LRP1B: variants seen among roughly 807,000 people sequenced by gnomAD.
The protein encoded by LRP1B is low-density lipoprotein receptor-related protein 1B.
Under a neutral mutation model 556.6 loss-of-function variants are expected in LRP1B, and 217 were observed. The observed-to-expected ratio is 0.39, with a 90% CI of 0.35 to 0.44. The LOEUF (loss-of-function observed/expected upper bound fraction) is 0.44, where lower values mean the gene tolerates loss of function less well. Ranked by LOEUF, LRP1B falls within the 20% of genes least tolerant of loss-of-function variation. LRP1B has a pLI of 1.00. For synonymous variants in LRP1B, 2,047 were observed against 1,865.8 expected (o/e 1.10, Z -2.50); for missense variants, 5,053 against 5,620.8 (o/e 0.90, Z 3.23).
At chr2:141,728,946 G>T (rs1188425364) in intron 2 of LRP1B, among the ~76,000 whole-genome samples, 1 of 152,092 alleles carries the variant, frequency 6.6e-6, no homozygotes, top group Non-Finnish European at 1.5e-5. Flanking sequence ...GTGGAGAGGG[G>T]GGTGCCAGGA....
intron 3 of LRP1B, among the ~76,000 whole-genome samples, chr2:141,272,670 T>C (rs533314109): frequency 6.6e-6 from 1 of 152,148 alleles, no homozygotes; most frequent in Non-Finnish European, 1.5e-5. Flanking sequence ...GGAGTGGCTA[T>C]ATAATTATTT....
At chr2:141,013,974 T>A (rs1697828837) in intron 13 of LRP1B, among the ~76,000 whole-genome samples, 1 of 152,090 alleles carries the variant, frequency 6.6e-6, no homozygotes, top group Non-Finnish European at 1.5e-5. Flanking sequence ...TATTATTTAT[T>A]ATTAAACCAT....
intron 1 of LRP1B, among the ~76,000 whole-genome samples, chr2:141,890,323 CATAT>C (rs556472129): frequency 0.014 from 1,135 of 83,778 alleles, 16 homozygotes; most frequent in African/African-American, 0.04. Context: ...GGGCACAATA[CATAT>C]ATATATATAT....
chr2:141,631,758 T>C (rs557487347), intron 2 of LRP1B, among the ~76,000 whole-genome samples: 7 of 152,160 alleles, frequency 4.6e-5, no homozygotes, highest in Non-Finnish European at 1.0e-4. Context: ...TTAAAGCAGC[T>C]TTTCTACATC....
At chr2:141,510,014 A>T (rs1684064357) in intron 2 of LRP1B, among the ~76,000 whole-genome samples, 3 of 152,296 alleles carry the variant, frequency 2.0e-5, no homozygotes, top group Admixed American at 2.0e-4. Flanking sequence ...GATAAGGAGA[A>T]AAGCCAAATT....
At chr2:141,334,046 G>A (rs1351744436) in intron 3 of LRP1B, among the ~76,000 whole-genome samples, 2 of 152,118 alleles carry the variant, frequency 1.3e-5, no homozygotes, top group Non-Finnish European at 2.9e-5. Context: ...AAAGTTTGCT[G>A]CTAAAATAAA....
intron 84 of LRP1B, among the ~76,000 whole-genome samples, chr2:140,275,465 G>A (rs1682630292): frequency 6.6e-6 from 1 of 151,966 alleles, no homozygotes; most frequent in Admixed American, 6.6e-5. Context: ...ACGGTCTCAA[G>A]TAGTCAAAGT....
At chr2:141,340,032 T>C (rs1395473384) in intron 3 of LRP1B, among the ~76,000 whole-genome samples, 1 of 152,166 alleles carries the variant, frequency 6.6e-6, no homozygotes, top group Non-Finnish European at 1.5e-5. Context: ...GAGAGAGACA[T>C]AGTTTAACGG....
rs560668928 is a variant in LRP1B at position 141,588,626 on chromosome 2, G to A, written c.206-108093C>T. 1.8e-3 allele frequency among the ~76,000 whole-genome samples: 267 copies of A among 152,152 alleles called. 2 individuals are homozygous for A. The highest frequency in any genetic ancestry group is 5.6e-3 in the African/African-American group (233 of 41,502). The stretch of plus-strand genomic sequence containing the variant: ...TGGGCTTCCGTTTCTTTAAAAATTG[G>A]CTCTCCAAATTCGTTGCAAGATAAT... On this transcript the variant is annotated intron_variant, in intron 2 of 90. Coordinates refer to ENST00000389484, the MANE Select transcript of LRP1B (RefSeq NM_018557.3).
chr2:141,114,666 G>C (rs916664669), intron 7 of LRP1B, among the ~76,000 whole-genome samples: 9 of 152,130 alleles, frequency 5.9e-5, no homozygotes, highest in Admixed American at 2.0e-4. Flanking sequence ...GGCAATATTA[G>C]AGTGTGAAAA....
At chr2:140,466,809 G>T (rs975789237) in intron 60 of LRP1B, among the ~76,000 whole-genome samples, 15 of 152,122 alleles carry the variant, frequency 9.9e-5, no homozygotes, top group Non-Finnish European at 1.8e-4. Context: ...CTTTTTCTTA[G>T]TTCGCCCTTT....
chr2:140,745,105 G>T (rs10496853), intron 35 of LRP1B, among the ~76,000 whole-genome samples: 23 of 152,202 alleles, frequency 1.5e-4, no homozygotes, highest in African/African-American at 5.5e-4. Context: ...CATGTCATAG[G>T]TTGCTCACTT....
chr2:141,576,640 G>T (rs1311678191), intron 2 of LRP1B, among the ~76,000 whole-genome samples: 1 of 151,356 alleles, frequency 6.6e-6, no homozygotes, highest in Admixed American at 6.6e-5. Flanking sequence ...TATGGTTCCA[G>T]TTAGTTGAGA....
chr2:141,550,129 T>C (rs1446058134), intron 2 of LRP1B, among the ~76,000 whole-genome samples: 2 of 152,224 alleles, frequency 1.3e-5, no homozygotes, highest in Non-Finnish European at 2.9e-5. Context: ...TTCTCATTCA[T>C]CCCTGACTCT....
At chr2:140,319,453 T>G (rs1032602782) in intron 82 of LRP1B, among the ~76,000 whole-genome samples, 1 of 152,108 alleles carries the variant, frequency 6.6e-6, no homozygotes, top group Admixed American at 6.6e-5. Flanking sequence ...AGGTATGACA[T>G]TTCTACAGAA....
At chr2:141,004,942 A>G (rs1191728493) in intron 15 of LRP1B, among the ~76,000 whole-genome samples, 1 of 152,000 alleles carries the variant, frequency 6.6e-6, no homozygotes, top group East Asian at 1.9e-4. Flanking sequence ...CTTGCTCTTC[A>G]CCACTTAATA....
intron 41 of LRP1B, among the ~76,000 whole-genome samples, chr2:140,688,944 C>T (rs1686142603): frequency 6.6e-6 from 1 of 152,110 alleles, no homozygotes; most frequent in African/African-American, 2.4e-5. Context: ...ACATAGTCAG[C>T]CCACAAATAG....
chr2:141,132,955 TAATAA>T (rs1444870105), intron 7 of LRP1B, among the ~76,000 whole-genome samples: 1 of 151,608 alleles, frequency 6.6e-6, no homozygotes, highest in African/African-American at 2.4e-5. Flanking sequence ...CCATATTGAA[TAATAA>T]AAGTCACTCC....
At chr2:140,411,930 T>A (rs182624359) in intron 66 of LRP1B, among the ~76,000 whole-genome samples, 2 of 152,212 alleles carry the variant, frequency 1.3e-5, no homozygotes, top group Admixed American at 1.3e-4. Flanking sequence ...TCAAGAAACT[T>A]CTCAGGTATC....
Sources: gnomAD v4.1 joint callset for allele counts (sites outside exome capture counted in the v4.1 genomes callset) on GRCh38, gnomAD v4.1.1 for gene constraint, MANE v1.5 for transcripts, NCBI Gene and HGNC (gene_info 2026-07-23, HGNC 2026-07-21) for gene names.